ITPR2: variants seen among roughly 807,000 people sequenced by gnomAD.
ITPR2 encodes the protein inositol 1,4,5-trisphosphate-gated calcium channel ITPR2.
ITPR2 carries 207 observed loss-of-function variants against 317.1 expected under a neutral mutation model. That is an observed-to-expected ratio of 0.65 (90% CI 0.58 to 0.73). The LOEUF (loss-of-function observed/expected upper bound fraction) is 0.73. ITPR2 is among the 30% of genes least tolerant of loss of function. The pLI, the probability that ITPR2 is intolerant of heterozygous loss-of-function variation, is 0.00. For missense variants in ITPR2, 2,613 were observed against 3,284.0 expected (o/e 0.80, Z 4.99); for synonymous variants, 1,156 against 1,149.1 (o/e 1.01, Z -0.12).
intron 1 of ITPR2, among the ~76,000 whole-genome samples, chr12:26,804,719 CTT>C (rs937154477): frequency 2.5e-4 from 38 of 151,878 alleles, no homozygotes; most frequent in African/African-American, 8.7e-4. Flanking sequence ...AAAACAGACT[CTT>C]ATTTATTTTA....
intron 37 of ITPR2, among the ~76,000 whole-genome samples, chr12:26,527,929 C>T (rs56103911): frequency 0.15 from 23,100 of 152,200 alleles, 2,409 homozygotes; most frequent in Non-Finnish European, 0.23. Flanking sequence ...TCTCTGCCCA[C>T]TCACTCATGC....
At chr12:26,806,306 T>TAA (rs1170145691) in intron 1 of ITPR2, among the ~76,000 whole-genome samples, 1 of 152,054 alleles carries the variant, frequency 6.6e-6, no homozygotes, top group Non-Finnish European at 1.5e-5. Flanking sequence ...ACTTACTGAG[T>TAA]TCAGTAAATA....
chr12:26,405,604 G>A (rs1475454127), intron 52 of ITPR2, among the ~76,000 whole-genome samples: 4 of 152,086 alleles, frequency 2.6e-5, no homozygotes, highest in Non-Finnish European at 4.4e-5. Flanking sequence ...CTTGAATAAC[G>A]GTATTTAATA....
At chr12:26,750,903 A>G (rs891593985) in intron 2 of ITPR2, among the ~76,000 whole-genome samples, 2 of 152,228 alleles carry the variant, frequency 1.3e-5, no homozygotes, top group African/African-American at 4.8e-5. Flanking sequence ...AAGCAATCCA[A>G]TGAGATATGT....
chr12:26,516,368 T>TGAAAGGAAAGGAAAGGAAAGGA (rs1943518381), intron 37 of ITPR2, among the ~76,000 whole-genome samples: 1 of 94,966 alleles, frequency 1.1e-5, no homozygotes. Context: ...AAAGGAAAGC[T>TGAAAGGAAAGGAAAGGAAAGGA]AAGCTGAGGA....
chr12:26,574,784 C>T (rs186582661), intron 34 of ITPR2, among the ~76,000 whole-genome samples: 1 of 152,142 alleles, frequency 6.6e-6, no homozygotes, highest in African/African-American at 2.4e-5. Context: ...CAGACGGGGT[C>T]ATGTGGCGAG....
intron 1 of ITPR2, 143 bp downstream of exon 1, chr12:26,832,547 G>A: frequency 1.9e-6 from 1 of 535,306 alleles, no homozygotes; most frequent in Non-Finnish European, 3.2e-6. Flanking sequence ...AGAGCGGAGC[G>A]CACGGCGCTG....
intron 21 of ITPR2, among the ~76,000 whole-genome samples, chr12:26,648,161 A>C (rs2136880764): frequency 1.3e-5 from 2 of 150,276 alleles, no homozygotes; most frequent in Admixed American, 1.4e-4. Flanking sequence ...CATCACTGGC[A>C]TCTAAAGCTA....
At chr12:26,520,531 T>G (rs1943635144) in intron 37 of ITPR2, among the ~76,000 whole-genome samples, 1 of 152,162 alleles carries the variant, frequency 6.6e-6, no homozygotes, top group Admixed American at 6.5e-5. Flanking sequence ...GCTCCTGGTC[T>G]TTGCCAGTGG....
chr12:26,642,371 C>T (rs1478567384), intron 21 of ITPR2, among the ~76,000 whole-genome samples: 3 of 152,100 alleles, frequency 2.0e-5, no homozygotes, highest in East Asian at 1.9e-4. Flanking sequence ...ATGAGAGCAC[C>T]ACCCTTATGA....
chr12:26,380,070 T>TA (rs886731512), intron 55 of ITPR2, among the ~76,000 whole-genome samples: 5 of 152,226 alleles, frequency 3.3e-5, no homozygotes, highest in African/African-American at 1.2e-4. Flanking sequence ...ATGGCAATTC[T>TA]ACCCATGAAA....
chr12:26,642,436 C>T (rs1027623543), intron 21 of ITPR2, among the ~76,000 whole-genome samples: 3 of 152,126 alleles, frequency 2.0e-5, no homozygotes, highest in Admixed American at 6.5e-5. Flanking sequence ...ATAAGTTTAG[C>T]GCTATCTTGC....
intron 34 of ITPR2, among the ~76,000 whole-genome samples, chr12:26,565,037 A>C (rs1353696641): frequency 2.0e-5 from 3 of 152,228 alleles, no homozygotes; most frequent in Non-Finnish European, 4.4e-5. Context: ...ATACCTTTAT[A>C]GATGAAAAAT....
intron 2 of ITPR2, among the ~76,000 whole-genome samples, chr12:26,745,347 A>C (rs529381758): frequency 3.3e-5 from 5 of 152,350 alleles, no homozygotes; most frequent in Non-Finnish European, 7.3e-5. Flanking sequence ...TGTGGGACTG[A>C]ATCCAGGCAA....
intron 52 of ITPR2, among the ~76,000 whole-genome samples, chr12:26,404,970 C>T (rs1164205916): frequency 2.0e-5 from 3 of 151,928 alleles, no homozygotes; most frequent in African/African-American, 7.3e-5. Context: ...ACTGTCTCTA[C>T]TAAAAATTCA....
At chr12:26,514,432 T>C (rs1016443494) in intron 37 of ITPR2, among the ~76,000 whole-genome samples, 4 of 152,282 alleles carry the variant, frequency 2.6e-5, no homozygotes, top group African/African-American at 7.2e-5. Context: ...TTCTGCTGTA[T>C]CAGATCAATT....
intron 26 of ITPR2, among the ~76,000 whole-genome samples, chr12:26,611,678 C>T (rs538049151): frequency 6.6e-6 from 1 of 152,216 alleles, no homozygotes; most frequent in African/African-American, 2.4e-5. Context: ...GAAAAATTAA[C>T]AATCAAAATA....
intron 1 of ITPR2, among the ~76,000 whole-genome samples, chr12:26,802,551 A>G (rs1369321389): frequency 6.9e-6 from 1 of 145,750 alleles, no homozygotes; most frequent in Non-Finnish European, 1.5e-5. Context: ...GAGGAGATAT[A>G]TATATATCTA....
At chr12:26,376,882 C>T (rs138750997) in intron 55 of ITPR2, among the ~76,000 whole-genome samples, 8 of 152,174 alleles carry the variant, frequency 5.3e-5, no homozygotes, top group African/African-American at 1.9e-4. Context: ...GAGTGTGCAA[C>T]CATGCCCAGC....
Sources: allele counts gnomAD v4.1 joint callset (sites outside exome capture counted in the v4.1 genomes callset), GRCh38; gene constraint gnomAD v4.1.1; transcripts MANE v1.5; gene names NCBI Gene and HGNC (gene_info 2026-07-23, HGNC 2026-07-21).